The following C2orf76 variants were observed in gnomAD, a reference collection of about 807,000 sequenced individuals.
The protein encoded by C2orf76 is UPF0538 protein C2orf76.
Under a neutral mutation model 16.9 loss-of-function variants are expected in C2orf76, and 23 were observed. That is an observed-to-expected ratio of 1.36 (90% CI 0.98 to 1.93). The LOEUF is 1.93. C2orf76 is among the 30% of genes most tolerant of loss of function. C2orf76 has a pLI of 0.00. For missense variants in C2orf76, 152 were observed against 152.6 expected, an observed-to-expected ratio of 1.00 and a Z score of 0.02; for synonymous variants, 48 against 52.3, an observed-to-expected ratio of 0.92 and a Z score of 0.35.
chr2:119,364,068 AT>A (rs151012972), intron 1 of C2orf76, among the ~76,000 whole-genome samples: 19 of 151,838 alleles, frequency 1.3e-4, no homozygotes, highest in Non-Finnish European at 2.6e-4. Context: ...ACAGACAGAG[AT>A]AGGAGAAAGG....
At position 119,302,398 on chromosome 2, in the gene C2orf76, G is replaced by T; in HGVS notation, c.*74C>A. ...GGGATTAATTTTTTAAGATTTGTTT[G>T]TCAATTTCAAAAATTCAGCAGTGGA... On this transcript the variant is annotated 3_prime_UTR_variant, in exon 6 of 6. Transcript: ENST00000334816. 1.6e-6 allele frequency: 1 copy of T among 611,542 alleles called. No homozygotes were observed. Among genetic ancestry groups the T allele is most frequent in the Non-Finnish European group, 2.9e-6 (1 of 345,318 alleles). The allele number at this position is 611,542 out of a possible 1,614,324, so 37.9% of individuals were successfully genotyped here.
chr2:119,285,388 G>GC, the C2orf76 span, among the ~76,000 whole-genome samples: 1 of 150,594 alleles, frequency 6.6e-6, no homozygotes, highest in African/African-American at 2.5e-5. Flanking sequence ...GGAGCTTCTT[G>GC]GGGGAAGTGC....
At chr2:119,301,007 CCTT>C (rs1212750597), downstream of C2orf76, among the ~76,000 whole-genome samples, 5 of 151,692 alleles carry the variant, frequency 3.3e-5, no homozygotes, top group Admixed American at 2.6e-4. Context: ...AAAGCCTTTC[CCTT>C]CTTTTCTTCT....
At chr2:119,337,055 A>ATTTTTTT (rs773781304) in intron 2 of C2orf76, among the ~76,000 whole-genome samples, 1 of 101,680 alleles carries the variant, frequency 9.8e-6, no homozygotes, top group African/African-American at 3.7e-5. Flanking sequence ...TTATTTATTT[A>ATTTTTTT]TTTATTTATT....
At chr2:119,301,346 C>G (rs897383437), downstream of C2orf76, among the ~76,000 whole-genome samples, 1 of 152,178 alleles carries the variant, frequency 6.6e-6, no homozygotes, top group Non-Finnish European at 1.5e-5. Flanking sequence ...CAAAGCAAGG[C>G]ATCTTCTAAT....
downstream of C2orf76, among the ~76,000 whole-genome samples, chr2:119,299,392 T>C (rs1319615635): frequency 6.6e-6 from 1 of 152,254 alleles, no homozygotes; most frequent in East Asian, 1.9e-4. Flanking sequence ...AACATAATAT[T>C]TTTTCTCCTA....
chr2:119,320,213 A>C (rs1407878175), intron 3 of C2orf76, among the ~76,000 whole-genome samples: 2 of 152,200 alleles, frequency 1.3e-5, no homozygotes, highest in Non-Finnish European at 2.9e-5. Context: ...ACATACACAC[A>C]CACCATGAAA....
chr2:119,324,813 C>A (rs1679456378), intron 2 of C2orf76, among the ~76,000 whole-genome samples: 2 of 152,104 alleles, frequency 1.3e-5, no homozygotes, highest in South Asian at 4.2e-4. Context: ...TAGACACACT[C>A]CAGTGAGATA....
the C2orf76 span, among the ~76,000 whole-genome samples, chr2:119,293,226 G>A: frequency 6.6e-6 from 1 of 152,236 alleles, no homozygotes; most frequent in Non-Finnish European, 1.5e-5. Flanking sequence ...AGACAAATGA[G>A]TTTTGCAAGG....
intron 4 of C2orf76, among the ~76,000 whole-genome samples, chr2:119,314,024 T>TTTTTTTTC (rs1558778741): frequency 6.7e-6 from 1 of 148,726 alleles, no homozygotes; most frequent in Non-Finnish European, 1.5e-5. Context: ...GTTTTTTTTT[T>TTTTTTTTC]TTTTTTTTTT....
chr2:119,315,839 T>C (rs1479121368), intron 4 of C2orf76, among the ~76,000 whole-genome samples: 1 of 152,230 alleles, frequency 6.6e-6, no homozygotes, highest in Non-Finnish European at 1.5e-5. Flanking sequence ...GTCTTAAATA[T>C]AAGTAACAAT....
the C2orf76 span, among the ~76,000 whole-genome samples, chr2:119,285,413 G>A: frequency 2.0e-5 from 3 of 152,196 alleles, no homozygotes; most frequent in Non-Finnish European, 4.4e-5. Context: ...GCATCTCTGC[G>A]GGCTGTGGAG....
intron 2 of C2orf76, among the ~76,000 whole-genome samples, chr2:119,332,166 A>C (rs1679696568): frequency 6.6e-6 from 1 of 152,222 alleles, no homozygotes; most frequent in Non-Finnish European, 1.5e-5. Context: ...AGAGGCAATA[A>C]AATAATTCTT....
At chr2:119,299,730 GT>G (rs1678588578), downstream of C2orf76, among the ~76,000 whole-genome samples, 1 of 152,122 alleles carries the variant, frequency 6.6e-6, no homozygotes, top group Non-Finnish European at 1.5e-5. Flanking sequence ...ACCAAAAAAG[GT>G]ACTATACATA....
At chr2:119,330,032 A>G (rs1679622534) in intron 2 of C2orf76, among the ~76,000 whole-genome samples, 1 of 152,124 alleles carries the variant, frequency 6.6e-6, no homozygotes, top group South Asian at 2.1e-4. Context: ...CAGCTTTGGT[A>G]TGTCTGAAAA....
intron 2 of C2orf76, among the ~76,000 whole-genome samples, chr2:119,327,761 G>C (rs529175804): frequency 6.6e-6 from 1 of 152,096 alleles, no homozygotes; most frequent in Non-Finnish European, 1.5e-5. Flanking sequence ...TTACAGAACC[G>C]AGAGTCAAAT....
chr2:119,301,193 G>A, downstream of C2orf76, among the ~76,000 whole-genome samples: 1 of 151,952 alleles, frequency 6.6e-6, no homozygotes, highest in Non-Finnish European at 1.5e-5. Flanking sequence ...TCCATTCACT[G>A]AGGCAAAAAC....
At chr2:119,359,626 G>A (rs1464603519) in intron 1 of C2orf76, among the ~76,000 whole-genome samples, 1 of 152,138 alleles carries the variant, frequency 6.6e-6, no homozygotes, top group African/African-American at 2.4e-5. Flanking sequence ...CTTCAGTGGA[G>A]GAAGTAACAG....
chr2:119,310,496 A>C (rs188457059), intron 5 of C2orf76, among the ~76,000 whole-genome samples: 2 of 152,322 alleles, frequency 1.3e-5, no homozygotes, highest in East Asian at 3.9e-4. Context: ...ACGTGAATCA[A>C]TCAGAAGTAA....
Sources: allele counts gnomAD v4.1 joint callset (sites outside exome capture counted in the v4.1 genomes callset), GRCh38; gene constraint gnomAD v4.1.1; transcripts MANE v1.5; gene names NCBI Gene and HGNC (gene_info 2026-07-23, HGNC 2026-07-21).